CMKLR2: variants seen among roughly 807,000 people sequenced by gnomAD.
CMKLR2 encodes the protein chemerin-like receptor 2.
CMKLR2 carries 18 observed loss-of-function variants against 23.0 expected under a neutral mutation model. That is an observed-to-expected ratio of 0.78 (90% CI 0.54 to 1.16). CMKLR2 has a LOEUF of 1.16. CMKLR2 is among the 50% of genes most tolerant of loss of function. CMKLR2 has a pLI of 0.00. For missense variants in CMKLR2, 401 were observed against 412.7 expected (o/e 0.97, Z 0.25); for synonymous variants, 158 against 158.9 (o/e 0.99, Z 0.05).
chr2:206,191,491 TAAAA>T (rs572423750), intron 1 of CMKLR2, among the ~76,000 whole-genome samples: 1 of 151,788 alleles, frequency 6.6e-6, no homozygotes, highest in East Asian at 1.9e-4. Context: ...TGGACTTTGT[TAAAA>T]AAAATACTGA....
At chr2:206,186,162 A>G (rs1441101475) in intron 1 of CMKLR2, among the ~76,000 whole-genome samples, 1 of 144,510 alleles carries the variant, frequency 6.9e-6, no homozygotes, top group Admixed American at 7.3e-5. Context: ...CCCAGGCTGG[A>G]GTGCAGTGGC....
chr2:206,192,522 T>C (rs1471816695), intron 1 of CMKLR2, among the ~76,000 whole-genome samples: 7 of 151,760 alleles, frequency 4.6e-5, no homozygotes, highest in Non-Finnish European at 1.0e-4. Context: ...GAGAACCCTG[T>C]CTCTTAAACA....
chr2:206,185,108 C>T (rs1271222782), intron 1 of CMKLR2, among the ~76,000 whole-genome samples: 3 of 152,060 alleles, frequency 2.0e-5, no homozygotes, highest in Non-Finnish European at 2.9e-5. Context: ...CTGCCTCAGC[C>T]TCCAAGTAGC....
intron 1 of CMKLR2, among the ~76,000 whole-genome samples, chr2:206,193,103 T>A (rs1233807301): frequency 6.6e-6 from 1 of 152,098 alleles, no homozygotes; most frequent in Non-Finnish European, 1.5e-5. Context: ...GCCAACTGTG[T>A]TTTCTTTTTT....
At chr2:206,179,145 G>A (rs1688327450) in intron 1 of CMKLR2, among the ~76,000 whole-genome samples, 1 of 118,724 alleles carries the variant, frequency 8.4e-6, no homozygotes, top group East Asian at 2.6e-4. Context: ...GTGTGATCTT[G>A]GCTCACCTCA....
At position 206,207,728 on chromosome 2, in the gene CMKLR2, C is replaced by CTTTTTTTTTTTTTTTTT. The variant is rs71034423; in HGVS notation, c.-29+5562_-29+5578dup. ...ATCTGGGTCTGTCTGACCTCAGGGC[C>CTTTTTTTTTTTTTTTTT]TTTTTTTTTTTTTTTTTTTTTTTTT... On this transcript the variant is annotated intron_variant, in intron 1 of 1. Transcript: ENST00000621141. Among the ~76,000 whole-genome samples the CTTTTTTTTTTTTTTTTT allele has an allele frequency of 5.3e-3, 229 of 43,566 alleles. 58 individuals are homozygous for CTTTTTTTTTTTTTTTTT. The highest frequency in any genetic ancestry group is 6.4e-3 in the African/African-American group (52 of 8,132). 28.6% of individuals were successfully genotyped at this position (43,566 alleles called of 152,430 possible). A position where few individuals can be genotyped will look rare whatever the true frequency, so the allele number is the denominator to read the frequency against.
intron 1 of CMKLR2, among the ~76,000 whole-genome samples, chr2:206,211,038 A>C (rs1689541954): frequency 6.6e-6 from 1 of 152,154 alleles, no homozygotes; most frequent in South Asian, 2.1e-4. Context: ...TCAAGCAGGC[A>C]CATATATATT....
rs141742272 is a variant in CMKLR2, at chr2:206,176,559, A to G, written c.689T>C (p.Ile230Thr). 14 of 1,614,156 alleles carry G rather than the reference A, an allele frequency of 8.7e-6. No individual in the cohort carries two copies. The African/African-American group carries it at 1.6e-4, about 18-fold the overall frequency. The change falls in exon 2 of 2, where the codon ATC (isoleucine) becomes ACC (threonine). Residue 230 changes from isoleucine (I) to threonine (T), a missense_variant. Transcript: ENST00000621141. ...GATGCTTCGCTTCTTCACCTTGAAG[A>G]TGAGACACAAGTAGCAAATACTCAT... ...LTMSICYLCLIFKVKKRSILI... is the reference protein window; with the variant it reads ...LTMSICYLCLTFKVKKRSILI...
chr2:206,187,469 G>A (rs947690505), intron 1 of CMKLR2, among the ~76,000 whole-genome samples: 3 of 152,172 alleles, frequency 2.0e-5, no homozygotes, highest in Non-Finnish European at 4.4e-5. Flanking sequence ...CAATCTCAAA[G>A]TAATATCGGT....
intron 1 of CMKLR2, among the ~76,000 whole-genome samples, chr2:206,208,314 G>A (rs1479801508): frequency 6.6e-6 from 1 of 152,148 alleles, no homozygotes; most frequent in Non-Finnish European, 1.5e-5. Context: ...GCAGAGATGG[G>A]AGGATTGCTT....
intron 1 of CMKLR2, among the ~76,000 whole-genome samples, chr2:206,187,705 T>C (rs1209129823): frequency 6.6e-6 from 1 of 152,150 alleles, no homozygotes; most frequent in Non-Finnish European, 1.5e-5. Context: ...TTTCCTCAAC[T>C]TAGCCGTGTG....
chr2:206,193,884 A>G (rs369154842), intron 1 of CMKLR2, among the ~76,000 whole-genome samples: 89 of 152,248 alleles, frequency 5.8e-4, no homozygotes, highest in African/African-American at 2.0e-3. Flanking sequence ...CTATTTCATC[A>G]TTATTTGGCA....
At chr2:206,207,498 C>G (rs2105838429) in intron 1 of CMKLR2, among the ~76,000 whole-genome samples, 1 of 152,154 alleles carries the variant, frequency 6.6e-6, no homozygotes, top group East Asian at 1.9e-4. Context: ...AAGTACCAAC[C>G]ACATCTAATT....
chr2:206,194,360 G>A (rs1688849368), intron 1 of CMKLR2, among the ~76,000 whole-genome samples: 3 of 151,854 alleles, frequency 2.0e-5, no homozygotes, highest in Admixed American at 2.0e-4. Flanking sequence ...AAAAGATAAA[G>A]CACAGGTTAA....
At chr2:206,217,461 G>C (rs1395684286), upstream of CMKLR2, 3 of 152,162 alleles carry the variant, frequency 2.0e-5, no homozygotes, top group East Asian at 5.8e-4. Context: ...ATTCTTAAAG[G>C]CTTCTAAATG....
intron 1 of CMKLR2, among the ~76,000 whole-genome samples, chr2:206,178,119 A>G (rs1688290038): frequency 6.6e-6 from 1 of 152,176 alleles, no homozygotes. Context: ...TTTTTAAAAT[A>G]GCCAGATCTA....
rs1291343166 is a variant in CMKLR2 at position 206,179,067 on chromosome 2, T to G, written c.-28-1792A>C. Among the ~76,000 whole-genome samples the G allele has an allele frequency of 4.2e-3, 449 of 108,142 alleles. 8 individuals are homozygous for G. The highest frequency in any genetic ancestry group is 0.015 in the African/African-American group (434 of 29,072). The allele number at this position is 108,142 out of a possible 152,430, so 70.9% of individuals were successfully genotyped here. A position where few individuals can be genotyped will look rare whatever the true frequency, so the allele number is the denominator to read the frequency against. On this transcript the variant is annotated intron_variant, in intron 1 of 1. Coordinates refer to ENST00000621141, the MANE Select transcript of CMKLR2 (RefSeq NM_001389445.1). ...CCGCTCCCTGTCCCTTTTTTTTTTT[T>G]TTTTTTTTTTTTTTTTTTTTTTTTT...
At chr2:206,204,127 C>T (rs1188647378) in intron 1 of CMKLR2, among the ~76,000 whole-genome samples, 1 of 151,716 alleles carries the variant, frequency 6.6e-6, no homozygotes, top group Non-Finnish European at 1.5e-5. Context: ...CCGAGGCGGG[C>T]GGATCACGAG....
chr2:206,212,255 C>G (rs555556106), intron 1 of CMKLR2, among the ~76,000 whole-genome samples: 4 of 152,140 alleles, frequency 2.6e-5, no homozygotes, highest in African/African-American at 9.6e-5. Context: ...AACTAAATGA[C>G]TTAAATCAGA....
Sources: allele counts gnomAD v4.1 joint callset (sites outside exome capture counted in the v4.1 genomes callset), GRCh38; gene constraint gnomAD v4.1.1; transcripts MANE v1.5; gene names NCBI Gene and HGNC (gene_info 2026-07-23, HGNC 2026-07-21).